PCDH11X: variants seen among roughly 807,000 people sequenced by gnomAD.
PCDH11X encodes protocadherin 11 X-linked.
PCDH11X carries 18 observed loss-of-function variants against 53.3 expected under a neutral mutation model. The ratio of observed to expected loss-of-function variants is 0.34; its 90% CI spans 0.23 to 0.50. PCDH11X has a LOEUF of 0.50. Ranked by LOEUF, PCDH11X falls within the 20% of genes least tolerant of loss-of-function variation. PCDH11X has a pLI of 0.98. For missense variants in PCDH11X, 570 were observed against 1,032.4 expected, an observed-to-expected ratio of 0.55 and a Z score of 6.14; for synonymous variants, 279 against 393.3, an observed-to-expected ratio of 0.71 and a Z score of 3.44.
intron 6 of PCDH11X, among the ~76,000 whole-genome samples, chrX:91,993,625 G>T (rs1374408422): frequency 9.0e-6 from 1 of 111,066 alleles, no homozygotes; most frequent in African/African-American, 3.3e-5. Flanking sequence ...AAGAGTTGGA[G>T]GTTAGGGATG....
At chrX:91,973,137 A>G (rs2061991943) in intron 6 of PCDH11X, among the ~76,000 whole-genome samples, 1 of 108,360 alleles carries the variant, frequency 9.2e-6, no homozygotes. Context: ...TGTCCTTTGT[A>G]GGGACATGGA....
At position 92,511,911 on chromosome X, in the gene PCDH11X, C is replaced by T. The variant is rs908762372; in HGVS notation, c.3367+43589C>T. 4.6e-5 allele frequency among the ~76,000 whole-genome samples: 5 copies of T among 108,079 alleles called. No homozygotes were observed. In the Admixed American group the frequency reaches 5.0e-4, roughly 11 times the overall value. 93.9% of individuals were successfully genotyped at this position (108,079 alleles called of 115,157 possible). On this transcript the variant is annotated intron_variant, in intron 10 of 10. Transcript: ENST00000682573. ...TATAACAGCTCTAGCTTCTTGATGG[C>T]AAACTTAGCAGAAATTCAATATGGC...
chrX:92,400,089 A>G (rs1318102138), intron 9 of PCDH11X, among the ~76,000 whole-genome samples: 1 of 106,777 alleles, frequency 9.4e-6, no homozygotes, highest in Non-Finnish European at 1.9e-5. Flanking sequence ...AATGCACTCC[A>G]TTTATACGTC....
chrX:92,266,351 C>T (rs2067829497), intron 8 of PCDH11X, among the ~76,000 whole-genome samples: 1 of 111,694 alleles, frequency 9.0e-6, no homozygotes, highest in African/African-American at 3.2e-5. Flanking sequence ...AGTAAGGCAA[C>T]ACATTATCTT....
chrX:92,243,544 T>C (rs1282761338), intron 7 of PCDH11X, among the ~76,000 whole-genome samples: 1 of 111,047 alleles, frequency 9.0e-6, no homozygotes, highest in Non-Finnish European at 1.9e-5. Flanking sequence ...AGTGATTCCT[T>C]CCATTTTATT....
At position 92,296,083 on chromosome X, in the gene PCDH11X, A is replaced by G. The variant is rs1244881380; in HGVS notation, c.3144+32940A>G. The stretch of plus-strand genomic sequence containing the variant: ...GGCAACAAGAGCGAAACTCTGTCTC[A>G]AAAAAAAAAAAAATCATGTGCATTT... On this transcript the variant is annotated intron_variant, in intron 8 of 10. Transcript: ENST00000682573. Among the ~76,000 whole-genome samples the G allele has an allele frequency of 1.6e-3, 112 of 71,289 alleles. 1 individual carries two copies. Among genetic ancestry groups the G allele is most frequent in the Non-Finnish European group, 9.0e-4 (41 of 45,626 alleles). 61.9% of individuals were successfully genotyped at this position (71,289 alleles called of 115,157 possible). A position where few individuals can be genotyped will look rare whatever the true frequency, so the allele number is the denominator to read the frequency against.
intron 6 of PCDH11X, among the ~76,000 whole-genome samples, chrX:92,147,984 C>CCTTCCTTTCTTTCTTT (rs1396586818): frequency 1.2e-4 from 9 of 72,103 alleles, no homozygotes; most frequent in African/African-American, 7.1e-4. Context: ...TTCCTTCCTT[C>CCTTCCTTTCTTTCTTT]CTTTCTTTCT....
intron 5 of PCDH11X, among the ~76,000 whole-genome samples, chrX:91,869,405 T>C (rs1018069461): frequency 3.1e-4 from 34 of 111,309 alleles, no homozygotes; most frequent in Non-Finnish European, 5.9e-4. Context: ...GGCTTTCAAA[T>C]CGGGTTCTGC....
chrX:92,595,922 A>G (rs1186481156), intron 10 of PCDH11X, among the ~76,000 whole-genome samples: 5 of 101,002 alleles, frequency 5.0e-5, no homozygotes, highest in African/African-American at 3.6e-5. Flanking sequence ...TTCTGTCTCT[A>G]TAAAACTGCC....
chrX:92,309,118 T>G (rs762374803), intron 8 of PCDH11X, among the ~76,000 whole-genome samples: 55 of 111,862 alleles, frequency 4.9e-4, no homozygotes, highest in African/African-American at 1.5e-3. Context: ...TGACATATGA[T>G]CCAACACATC....
chrX:92,223,299 T>C (rs1183735047), intron 7 of PCDH11X, among the ~76,000 whole-genome samples: 1 of 112,151 alleles, frequency 8.9e-6, no homozygotes, highest in Non-Finnish European at 1.9e-5. Context: ...TACCTTCTTA[T>C]TCATCTTTCA....
intron 8 of PCDH11X, among the ~76,000 whole-genome samples, chrX:92,331,333 C>CTTCTTCTTCTT (rs1300857539): frequency 1.1e-4 from 9 of 84,892 alleles, no homozygotes; most frequent in African/African-American, 2.8e-4. Context: ...TCTTCTTCTT[C>CTTCTTCTTCTT]CTTCCTTCCT....
chrX:92,248,770 C>T (rs1285171113), intron 7 of PCDH11X, among the ~76,000 whole-genome samples: 4 of 111,148 alleles, frequency 3.6e-5, no homozygotes, highest in Admixed American at 9.6e-5. Context: ...GGCTCCGCCT[C>T]CTGGGTTCAA....
chrX:92,391,815 A>G (rs1043392805), intron 9 of PCDH11X, among the ~76,000 whole-genome samples: 11 of 111,087 alleles, frequency 9.9e-5, no homozygotes, highest in African/African-American at 2.6e-4. Flanking sequence ...GGCATATTAT[A>G]ATTTTCCAGC....
At position 91,817,492 on chromosome X, in the gene PCDH11X, T is replaced by C. The variant is rs186955507; in HGVS notation, c.-45+6197T>C. On this transcript the variant is annotated intron_variant, in intron 4 of 10. Transcript: ENST00000682573. ...CATTTCACTGTCCTGGGTGCAGGCA[T>C]AGTTGAAGGTTACTGACCTTCTGAT... is the stretch of plus-strand genomic sequence containing the variant. Among the ~76,000 whole-genome samples the C allele has an allele frequency of 1.6e-4, 18 of 109,834 alleles. No homozygotes were observed. In the Admixed American group the frequency reaches 1.8e-3, roughly 11 times the overall value.
At position 91,787,109 on chromosome X, in the gene PCDH11X, C is replaced by T. The variant is rs1193414217; in HGVS notation, c.-379+7425C>T. On this transcript the variant is annotated intron_variant, in intron 1 of 10. Coordinates refer to ENST00000682573, the MANE Select transcript of PCDH11X (RefSeq NM_032968.5). ...TTATATGCTTCTTCCATTTTGTTTACAAAAATAATTTAAATTATGACCCAT... is the reference window on the plus strand; with the variant it reads ...TTATATGCTTCTTCCATTTTGTTTATAAAAATAATTTAAATTATGACCCAT... Among the ~76,000 whole-genome samples the T allele has an allele frequency of 4.8e-5, 5 of 104,841 alleles. No homozygotes were observed. The East Asian group carries it at 1.5e-3, about 32-fold the overall frequency. 91.0% of individuals were successfully genotyped at this position (104,841 alleles called of 115,157 possible). A position where few individuals can be genotyped will look rare whatever the true frequency, so the allele number is the denominator to read the frequency against.
intron 4 of PCDH11X, among the ~76,000 whole-genome samples, chrX:91,829,440 A>ACC (rs774671344): frequency 2.9e-3 from 201 of 69,904 alleles, no homozygotes; most frequent in Middle Eastern, 7.2e-3. Context: ...ACACACACAC[A>ACC]CACCCACAAT....
At position 92,481,818 on chromosome X, in the gene PCDH11X, C is replaced by T. The variant is rs1328465729; in HGVS notation, c.3367+13496C>T. On this transcript the variant is annotated intron_variant, in intron 10 of 10. Coordinates refer to ENST00000682573, the MANE Select transcript of PCDH11X (RefSeq NM_032968.5). ...TTCTCTAAGCAGCTCTCTCTGCCAACGCAAGTGTCTGTGGTAGTCAAGTGG... is the reference window on the plus strand; with the variant it reads ...TTCTCTAAGCAGCTCTCTCTGCCAATGCAAGTGTCTGTGGTAGTCAAGTGG... Among the ~76,000 whole-genome samples the T allele has an allele frequency of 4.6e-5, 5 of 107,779 alleles. No individual in the cohort carries two copies. The Admixed American group carries it at 5.0e-4, about 11-fold the overall frequency. The allele number at this position is 107,779 out of a possible 115,157, so 93.6% of individuals were successfully genotyped here. A position where few individuals can be genotyped will look rare whatever the true frequency, so the allele number is the denominator to read the frequency against.
At chrX:92,509,942 T>G (rs2074134307) in intron 10 of PCDH11X, among the ~76,000 whole-genome samples, 1 of 110,927 alleles carries the variant, frequency 9.0e-6, no homozygotes, top group Admixed American at 9.7e-5. Flanking sequence ...AGACTAATAT[T>G]GAAATATGCC....
Sources: allele counts gnomAD v4.1 joint callset (sites outside exome capture counted in the v4.1 genomes callset), GRCh38; gene constraint gnomAD v4.1.1; transcripts MANE v1.5; gene names NCBI Gene and HGNC (gene_info 2026-07-23, HGNC 2026-07-21).